ICA1: variants seen among roughly 807,000 people sequenced by gnomAD.
ICA1 encodes 69 kDa islet cell autoantigen.
ICA1 carries 40 observed loss-of-function variants against 71.0 expected under a neutral mutation model. The ratio of observed to expected loss-of-function variants is 0.56; its 90% confidence interval spans 0.44 to 0.73. The LOEUF is 0.73. ICA1 is among the 30% of genes least tolerant of loss of function. ICA1 has a pLI of 0.00. For missense variants in ICA1, 578 were observed against 576.5 expected, an observed-to-expected ratio of 1.00 and a Z score of -0.03; for synonymous variants, 207 against 209.5, an observed-to-expected ratio of 0.99 and a Z score of 0.10.
chr7:8,233,294 G>T (rs1435451279), intron 2 of ICA1, among the ~76,000 whole-genome samples: 1 of 152,170 alleles, frequency 6.6e-6, no homozygotes, highest in African/African-American at 2.4e-5. Context: ...TAGAAGGTAG[G>T]AAGAAATGAG....
chr7:8,135,881 G>C (rs1429664030), intron 12 of ICA1, among the ~76,000 whole-genome samples: 1 of 152,100 alleles, frequency 6.6e-6, no homozygotes, highest in Non-Finnish European at 1.5e-5. Flanking sequence ...CTTCTGCTTT[G>C]TAACACCACT....
chr7:8,145,176 G>C (rs1796451557), intron 8 of ICA1, among the ~76,000 whole-genome samples: 1 of 152,128 alleles, frequency 6.6e-6, no homozygotes, highest in African/African-American at 2.4e-5. Context: ...TTCTTGAGAA[G>C]GACCAGCGTA....
chr7:8,238,407 AT>A (rs201001897), intron 1 of ICA1, among the ~76,000 whole-genome samples: 1 of 151,846 alleles, frequency 6.6e-6, no homozygotes, highest in African/African-American at 2.4e-5. Context: ...ATCTTTTCAT[AT>A]TTTTTTGCCA....
At chr7:8,194,437 T>C (rs1054939552) in intron 6 of ICA1, among the ~76,000 whole-genome samples, 5 of 152,254 alleles carry the variant, frequency 3.3e-5, no homozygotes, top group African/African-American at 4.8e-5. Flanking sequence ...GTTTATTAAA[T>C]ACAACTTACT....
At position 8,262,148 on chromosome 7, in the gene ICA1, A is replaced by G. The variant is rs918899947; in HGVS notation, c.-134T>C. 2.0e-5 allele frequency: 3 copies of G among 152,098 alleles called. No individual in the cohort carries two copies. The highest frequency in any genetic ancestry group is 2.9e-5 in the Non-Finnish European group (2 of 68,024). 9.4% of individuals were successfully genotyped at this position (152,098 alleles called of 1,614,324 possible). A position where few individuals can be genotyped will look rare whatever the true frequency, so the allele number is the denominator to read the frequency against. On this transcript the variant is annotated 5_prime_UTR_variant, in exon 1 of 14. Transcript: ENST00000402384. The stretch of plus-strand genomic sequence containing the variant: ...GGCCGCGGTCGGAGCGTCCCTCCGG[A>G]TCACTCATCCGACGTCAGCGTCAGC...
intron 6 of ICA1, among the ~76,000 whole-genome samples, chr7:8,185,876 G>T (rs1256543560): frequency 6.6e-6 from 1 of 152,196 alleles, no homozygotes; most frequent in African/African-American, 2.4e-5. Context: ...CTCAAGAACT[G>T]ATGTCTGTTA....
At chr7:8,156,795 T>C (rs879261480) in intron 8 of ICA1, 262 of 1,454,072 alleles carry the variant, frequency 1.8e-4, no homozygotes, top group Admixed American at 2.9e-5. Context: ...AACAAGTATT[T>C]TAAAGGAGCA....
intron 1 of ICA1, among the ~76,000 whole-genome samples, chr7:8,242,547 G>A (rs1019300961): frequency 1.3e-5 from 2 of 152,046 alleles, no homozygotes; most frequent in Non-Finnish European, 1.5e-5. Flanking sequence ...CTAGCAGAAG[G>A]CAAGAAATAA....
chr7:8,176,647 C>A (rs532698350), intron 6 of ICA1, among the ~76,000 whole-genome samples: 1 of 152,300 alleles, frequency 6.6e-6, no homozygotes, highest in South Asian at 2.1e-4. Flanking sequence ...ACTCCTCAGG[C>A]CTTGCTTTTC....
rs1337860312 is a variant in ICA1 at position 8,173,449 on chromosome 7, AAAAC to A, written c.580-14801_580-14798del. ...ACAAGCAAATGAACAAATCAACAGA[AAAAC>A]AAACAAACAAAACCCTCACTGGGCA... On this transcript the variant is annotated intron_variant, in intron 6 of 13. Coordinates refer to ENST00000402384, the MANE Select transcript of ICA1 (RefSeq NM_001136020.3). This position sits in a 1 kb window ranked among gnomAD's most constrained non-coding sequence, Gnocchi z 4.0. Among the ~76,000 whole-genome samples the A allele has an allele frequency of 5.9e-5, 9 of 152,220 alleles. No homozygotes were observed. Among genetic ancestry groups the A allele is most frequent in the African/African-American group, 2.2e-4 (9 of 41,458 alleles).
At chr7:8,228,117 T>C (rs1799174752) in intron 4 of ICA1, among the ~76,000 whole-genome samples, 2 of 152,190 alleles carry the variant, frequency 1.3e-5, no homozygotes, top group South Asian at 4.1e-4. Flanking sequence ...TTGTTAATGC[T>C]TTTAAAACAG....
chr7:8,206,751 A>G (rs894062888), intron 6 of ICA1, among the ~76,000 whole-genome samples: 1 of 151,186 alleles, frequency 6.6e-6, no homozygotes, highest in Non-Finnish European at 1.5e-5. Context: ...AAAAAAAAAA[A>G]AAAAGAAAGA....
chr7:8,255,248 C>G (rs922702132), intron 1 of ICA1, among the ~76,000 whole-genome samples: 1 of 152,158 alleles, frequency 6.6e-6, no homozygotes, highest in Non-Finnish European at 1.5e-5. Flanking sequence ...CCCATGCTCT[C>G]TGGTTCCTTT....
intron 6 of ICA1, among the ~76,000 whole-genome samples, chr7:8,177,181 G>C (rs887574588): frequency 5.3e-5 from 8 of 152,104 alleles, no homozygotes; most frequent in African/African-American, 1.9e-4. Context: ...AGAGAAAAAG[G>C]TCTTCTATTT....
At position 8,154,329 on chromosome 7, in the gene ICA1, C is replaced by A. The variant is rs1800738814; in HGVS notation, c.804+2787G>T. On this transcript the variant is annotated intron_variant, in intron 8 of 13. Transcript: ENST00000402384. ...GCTTCTTGGGGCATGAGTTATATCT[C>A]TGTAATTCTGTAGCAAAAAACTTGT... Among the ~76,000 whole-genome samples, 4 of 152,158 alleles carry A rather than the reference C, an allele frequency of 2.6e-5. No individual in the cohort carries two copies. In the South Asian group the frequency reaches 8.3e-4, roughly 32 times the overall value.
Position 8,232,828 on chromosome 7 carries a change from C to G in ICA1, c.18-73G>C, listed in dbSNP as rs965250852. On this transcript the variant is annotated intron_variant, in intron 2 of 13. Transcript: ENST00000402384. Reference sequence around the variant, plus strand: ...AAGATATTTTAGTGTGAAATGATTTCTTTAAACATGACTTTCCATTATGCA... The same window carrying G: ...AAGATATTTTAGTGTGAAATGATTTGTTTAAACATGACTTTCCATTATGCA... 20 of 1,296,814 alleles carry G rather than the reference C, an allele frequency of 1.5e-5. No individual in the cohort carries two copies. In the African/African-American group the frequency reaches 2.1e-4, roughly 14 times the overall value. 80.3% of individuals were successfully genotyped at this position (1,296,814 alleles called of 1,614,324 possible). A position where few individuals can be genotyped will look rare whatever the true frequency, so the allele number is the denominator to read the frequency against.
At chr7:8,201,641 C>T (rs970041728) in intron 6 of ICA1, among the ~76,000 whole-genome samples, 7 of 152,118 alleles carry the variant, frequency 4.6e-5, no homozygotes, top group African/African-American at 1.4e-4. Flanking sequence ...GAAAAAGGGC[C>T]GAGTTTAGCT....
rs1403095838 is a variant in ICA1 at position 8,210,039 on chromosome 7, C to T, written c.579+8266G>A. On this transcript the variant is annotated intron_variant, in intron 6 of 13. Coordinates refer to ENST00000402384, the MANE Select transcript of ICA1 (RefSeq NM_001136020.3). The stretch of plus-strand genomic sequence containing the variant: ...AAGGCCACACTAACTTTGGACTTGT[C>T]AATTGTCCAAGGAAGGGCCACAGAA... Among the ~76,000 whole-genome samples, 13 of 152,106 alleles carry T rather than the reference C, an allele frequency of 8.5e-5. No homozygotes were observed. In the East Asian group the frequency reaches 1.9e-3, roughly 23 times the overall value.
intron 6 of ICA1, among the ~76,000 whole-genome samples, chr7:8,178,378 G>A (rs190308449): frequency 3.9e-5 from 6 of 152,174 alleles, no homozygotes; most frequent in Admixed American, 3.9e-4. Flanking sequence ...TTAATTGACT[G>A]TTTTCTACAT....
Sources: allele counts gnomAD v4.1 joint callset (sites outside exome capture counted in the v4.1 genomes callset), GRCh38; gene constraint gnomAD v4.1.1; non-coding constraint Gnocchi (gnomAD v3.1); transcripts MANE v1.5; gene names NCBI Gene and HGNC (gene_info 2026-07-23, HGNC 2026-07-21).